The following SPIDR variants were observed in gnomAD, a reference collection of about 807,000 sequenced individuals.
SPIDR encodes DNA repair-scaffolding protein.
Under a neutral mutation model 104.6 loss-of-function variants are expected in SPIDR, and 93 were observed. That is an observed-to-expected ratio of 0.89 (90% CI 0.75 to 1.06). The LOEUF (loss-of-function observed/expected upper bound fraction) is 1.06. Ranked by LOEUF, SPIDR falls within the 50% of genes least tolerant of loss-of-function variation. The probability of loss-of-function intolerance (pLI) is 0.00; values close to 1 mark genes in which losing one functional copy is unlikely to be tolerated. For synonymous variants in SPIDR, 431 were observed against 416.9 expected (o/e 1.03, Z -0.41); for missense variants, 1,154 against 1,111.2 (o/e 1.04, Z -0.55).
In SPIDR at chr8:47,713,502, TG is replaced by T. The variant is rs760359219; in HGVS notation, c.2203del (p.Ala735LeufsTer13). ...ALRDQGRIVCAERTVLLLQKP... is the reference protein window; with the variant it reads ...ALRDQGRIVCXERTVLLLQKP... The stretch of plus-strand genomic sequence containing the variant: ...CTCTGTCGGCAGGTCGGATTGTTTG[TG>T]CTGAACGAACTGTCCTCTTGCTTCA... On this transcript the variant is annotated frameshift_variant, in exon 16 of 20. Coordinates refer to ENST00000297423, the MANE Select transcript of SPIDR (RefSeq NM_001080394.4). LOFTEE classifies it high-confidence loss of function. The T allele has an allele frequency of 6.2e-7, 1 of 1,614,194 alleles. No homozygotes were observed. Among genetic ancestry groups the T allele is most frequent in the South Asian group, 1.1e-5 (1 of 91,084 alleles).
chr8:47,735,561 A>T lies in SPIDR; in HGVS notation c.*111A>T. ...ATGGACACAGTGAACGTAGTTTACG[A>T]TCTTGAAATGAAACTTAGATTTTTC... On this transcript the variant is annotated 3_prime_UTR_variant, in exon 20 of 20. Transcript: ENST00000297423. 1 of 1,554,264 alleles carries T rather than the reference A, an allele frequency of 6.4e-7. No homozygotes were observed. Among genetic ancestry groups the T allele is most frequent in the Admixed American group, 2.0e-5 (1 of 50,374 alleles).
chr8:47,561,463 G>A (rs2057065391), intron 8 of SPIDR, among the ~76,000 whole-genome samples: 1 of 152,150 alleles, frequency 6.6e-6, no homozygotes, highest in African/African-American at 2.4e-5. Flanking sequence ...TCTACACTGT[G>A]TCCAGATTTC....
At chr8:47,500,276 C>G (rs1176063003) in intron 8 of SPIDR, among the ~76,000 whole-genome samples, 1 of 152,162 alleles carries the variant, frequency 6.6e-6, no homozygotes, top group Non-Finnish European at 1.5e-5. Flanking sequence ...AAAAGTGTTC[C>G]TATTTCTCTA....
In SPIDR at chr8:47,323,543, T is replaced by C. The variant is rs1048112521; in HGVS notation, c.525+29513T>C. ...TGGTGTTGTGTCAGTCATCCTAGGC[T>C]CAGATCTCCATTCTACCTCTCACTG... On this transcript the variant is annotated intron_variant, in intron 5 of 19. Coordinates refer to ENST00000297423, the MANE Select transcript of SPIDR (RefSeq NM_001080394.4). 2.0e-5 allele frequency among the ~76,000 whole-genome samples: 3 copies of C among 152,336 alleles called. No homozygotes were observed. The East Asian group carries it at 5.8e-4, about 29-fold the overall frequency.
At chr8:47,377,089 A>G (rs2058747097) in intron 5 of SPIDR, among the ~76,000 whole-genome samples, 1 of 152,140 alleles carries the variant, frequency 6.6e-6, no homozygotes, top group Non-Finnish European at 1.5e-5. Flanking sequence ...CCTGTTCTGG[A>G]TGGTGATTTG....
At position 47,736,175 on chromosome 8, in the gene SPIDR, G is replaced by A. The variant is rs1427096877; in HGVS notation, c.*725G>A. The A allele has an allele frequency of 6.5e-6, 1 of 153,488 alleles. No individual in the cohort carries two copies. Among genetic ancestry groups the A allele is most frequent in the Non-Finnish European group, 1.5e-5 (1 of 68,938 alleles). 9.5% of individuals were successfully genotyped at this position (153,488 alleles called of 1,614,324 possible). On this transcript the variant is annotated 3_prime_UTR_variant, in exon 20 of 20. Transcript: ENST00000297423. ...TTTAAACCAAGAATTAATTATCTTTGGACACTATAAAGATTTTGTTCCCTT... is the reference window on the plus strand; with the variant it reads ...TTTAAACCAAGAATTAATTATCTTTAGACACTATAAAGATTTTGTTCCCTT...
In SPIDR at chr8:47,260,955, G is replaced by A. The variant is rs2031945806; in HGVS notation, c.-4G>A. 2 of 1,229,100 alleles carry A rather than the reference G, an allele frequency of 1.6e-6. No homozygotes were observed. The highest frequency in any genetic ancestry group is 3.2e-5 in the East Asian group (1 of 31,302). The allele number at this position is 1,229,100 out of a possible 1,614,324, so 76.1% of individuals were successfully genotyped here. On this transcript the variant is annotated 5_prime_UTR_variant, in exon 1 of 20. Transcript: ENST00000297423. ...GGCGGTGCGCTCAGGCGGCGCTCCC[G>A]GAGATGCCCCGCGGCAGCCGCGCTC...
intron 6 of SPIDR, among the ~76,000 whole-genome samples, chr8:47,403,198 C>T (rs1243451920): frequency 6.6e-6 from 1 of 152,176 alleles, no homozygotes; most frequent in African/African-American, 2.4e-5. Flanking sequence ...ATATATCGGA[C>T]ATATCTCAAA....
At chr8:47,340,872 C>T (rs1008236935) in intron 5 of SPIDR, among the ~76,000 whole-genome samples, 5 of 152,294 alleles carry the variant, frequency 3.3e-5, no homozygotes, top group Admixed American at 1.3e-4. Context: ...ATCCTGGCTC[C>T]ACATCATGGA....
chr8:47,321,029 G>A (rs2046457043), intron 5 of SPIDR, among the ~76,000 whole-genome samples: 1 of 152,146 alleles, frequency 6.6e-6, no homozygotes, highest in Non-Finnish European at 1.5e-5. Flanking sequence ...TTTGAAAACT[G>A]GCACAAGACA....
At chr8:47,275,119 C>A (rs984270001) in intron 1 of SPIDR, among the ~76,000 whole-genome samples, 9 of 151,266 alleles carry the variant, frequency 5.9e-5, no homozygotes, top group African/African-American at 2.2e-4. Context: ...ATTAGCCGCG[C>A]GTGGTGGGGG....
At chr8:47,304,951 T>C (rs2042871744) in intron 5 of SPIDR, among the ~76,000 whole-genome samples, 1 of 152,242 alleles carries the variant, frequency 6.6e-6, no homozygotes, top group African/African-American at 2.4e-5. Flanking sequence ...TGTCCCTTGC[T>C]CTCACCCTCA....
At chr8:47,633,742 C>T (rs1414744915) in intron 10 of SPIDR, among the ~76,000 whole-genome samples, 1 of 151,922 alleles carries the variant, frequency 6.6e-6, no homozygotes, top group African/African-American at 2.4e-5. Flanking sequence ...ATTAGGTATA[C>T]TCAAAGTACA....
chr8:47,310,437 C>T (rs988865878), intron 5 of SPIDR, among the ~76,000 whole-genome samples: 16 of 151,096 alleles, frequency 1.1e-4, no homozygotes, highest in Non-Finnish European at 2.1e-4. Context: ...CAGAGGGGCA[C>T]ATGTCGGACT....
intron 8 of SPIDR, among the ~76,000 whole-genome samples, chr8:47,494,245 C>T (rs1193396446): frequency 6.6e-6 from 1 of 151,938 alleles, no homozygotes; most frequent in East Asian, 1.9e-4. Context: ...GCCTCAGCCT[C>T]CTAATTAGCT....
At chr8:47,630,171 T>G (rs2066837161) in intron 10 of SPIDR, among the ~76,000 whole-genome samples, 1 of 152,226 alleles carries the variant, frequency 6.6e-6, no homozygotes, top group Non-Finnish European at 1.5e-5. Flanking sequence ...AAATTGAATT[T>G]TTGAACCAAG....
chr8:47,731,671 A>C (rs1165375860), intron 19 of SPIDR, among the ~76,000 whole-genome samples: 1 of 152,216 alleles, frequency 6.6e-6, no homozygotes, highest in African/African-American at 2.4e-5. Context: ...TTCTGTCCTT[A>C]AGGAAGTTTA....
intron 10 of SPIDR, chr8:47,653,882 A>T: frequency 1.3e-6 from 1 of 768,076 alleles, no homozygotes; most frequent in Non-Finnish European, 1.6e-6. Flanking sequence ...AACCACTTTT[A>T]ATGCAAAGGA....
intron 10 of SPIDR, among the ~76,000 whole-genome samples, chr8:47,669,992 C>G (rs994030396): frequency 1.3e-5 from 2 of 152,252 alleles, no homozygotes; most frequent in Non-Finnish European, 2.9e-5. Flanking sequence ...GAGTGAGACT[C>G]TGTTTCAAAA....
Sources: gnomAD v4.1 joint callset for allele counts (sites outside exome capture counted in the v4.1 genomes callset) on GRCh38, gnomAD v4.1.1 for gene constraint, MANE v1.5 for transcripts, NCBI Gene and HGNC (gene_info 2026-07-23, HGNC 2026-07-21) for gene names.